SMARCC1: variants seen among roughly 807,000 people sequenced by gnomAD.
SMARCC1 encodes SWI/SNF complex subunit SMARCC1.
SMARCC1 carries 43 observed loss-of-function variants against 147.4 expected under a neutral mutation model. The observed-to-expected ratio is 0.29, with a 90% CI of 0.23 to 0.38. The LOEUF (loss-of-function observed/expected upper bound fraction) is 0.38. Among genes scored for constraint, SMARCC1 ranks in the 10% least tolerant of loss-of-function variants. SMARCC1 has a pLI of 1.00. For synonymous variants in SMARCC1, 495 were observed against 484.4 expected (o/e 1.02, Z -0.29); for missense variants, 1,119 against 1,381.1 (o/e 0.81, Z 3.01).
chr3:47,678,166 T>G, intron 16 of SMARCC1, 32 bp downstream of exon 16: 2 of 1,287,078 alleles, frequency 1.6e-6, no homozygotes, highest in South Asian at 1.3e-5. Flanking sequence ...ATTCCTACAG[T>G]TAAATGTCTC....
chr3:47,630,764 C>A (rs2032876243), intron 24 of SMARCC1, among the ~76,000 whole-genome samples: 2 of 152,170 alleles, frequency 1.3e-5, no homozygotes, highest in African/African-American at 4.8e-5. Context: ...TTTTTCACAC[C>A]TCCAGAAAGA....
chr3:47,779,609 T>C (rs1367522653), intron 1 of SMARCC1, among the ~76,000 whole-genome samples: 3 of 152,198 alleles, frequency 2.0e-5, no homozygotes, highest in Non-Finnish European at 2.9e-5. Context: ...GTGGTCTCAA[T>C]ACTGCTGGGC....
chr3:47,760,103 C>A (rs2106860456), intron 2 of SMARCC1, among the ~76,000 whole-genome samples: 1 of 152,170 alleles, frequency 6.6e-6, no homozygotes, highest in South Asian at 2.1e-4. Context: ...CACTTGAGGC[C>A]AGGAGTTTGA....
At chr3:47,761,943 G>C (rs1241198797) in intron 2 of SMARCC1, among the ~76,000 whole-genome samples, 2 of 152,026 alleles carry the variant, frequency 1.3e-5, no homozygotes, top group Non-Finnish European at 1.5e-5. Context: ...TGAATAGCTG[G>C]GATTTTTTTT....
chr3:47,745,948 T>C lies in SMARCC1; in HGVS notation c.361A>G (p.Ile121Val), dbSNP rs1403948078. ...DFKAGGALCH[I>V]LGAAYKYKNE... ...TTATACTTGTAAGCAGCCCCAAGAATGTGACATAAGGCGCCTCCAGCTTTG... is the reference window on the plus strand; with the variant it reads ...TTATACTTGTAAGCAGCCCCAAGAACGTGACATAAGGCGCCTCCAGCTTTG... Residue 121 changes from isoleucine to valine, a missense_variant, in exon 3 of 28, where the codon ATT (isoleucine) becomes GTT (valine). This residue lies in a region of SMARCC1 where 542 missense variants were observed against 611.8 expected (regional missense o/e 0.89). Coordinates refer to ENST00000254480, the MANE Select transcript of SMARCC1 (RefSeq NM_003074.4). 2 of 1,591,248 alleles carry C rather than the reference T, an allele frequency of 1.3e-6. No individual in the cohort carries two copies. Among genetic ancestry groups the C allele is most frequent in the Non-Finnish European group, 1.7e-6 (2 of 1,172,964 alleles).
intron 7 of SMARCC1, among the ~76,000 whole-genome samples, chr3:47,716,295 G>A (rs2034154500): frequency 6.6e-6 from 1 of 151,052 alleles, no homozygotes; most frequent in African/African-American, 2.4e-5. Flanking sequence ...GTGTGCACCT[G>A]TAATCTCAGC....
At chr3:47,623,120 G>T (rs2032758113) in intron 24 of SMARCC1, among the ~76,000 whole-genome samples, 1 of 129,650 alleles carries the variant, frequency 7.7e-6, no homozygotes, top group Non-Finnish European at 1.6e-5. Flanking sequence ...TGTTTATCTT[G>T]CTTCTACACA....
chr3:47,667,035 G>A (rs1321454375), intron 19 of SMARCC1, among the ~76,000 whole-genome samples: 2 of 151,952 alleles, frequency 1.3e-5, no homozygotes, highest in Admixed American at 6.6e-5. Context: ...AGAGAAACTC[G>A]GGCCAGGCAC....
chr3:47,674,706 C>T (rs955726210), intron 18 of SMARCC1, among the ~76,000 whole-genome samples: 1 of 152,074 alleles, frequency 6.6e-6, no homozygotes, highest in Non-Finnish European at 1.5e-5. Context: ...CTCAGACAAC[C>T]CTACTGCCCT....
At chr3:47,696,214 T>C (rs1446473340) in intron 11 of SMARCC1, among the ~76,000 whole-genome samples, 2 of 147,366 alleles carry the variant, frequency 1.4e-5, no homozygotes, top group Non-Finnish European at 1.5e-5. Flanking sequence ...CTACTAAAAA[T>C]ACAAAAAAAA....
chr3:47,654,188 T>C (rs1003628261), intron 21 of SMARCC1, among the ~76,000 whole-genome samples: 22 of 152,244 alleles, frequency 1.4e-4, no homozygotes, highest in African/African-American at 4.8e-4. Flanking sequence ...AGACTGCCAA[T>C]GTTTTTTCAA....
At chr3:47,678,396 C>A in intron 15 of SMARCC1, 85 bp from the exon 16 acceptor site, 1 of 577,308 alleles carries the variant, frequency 1.7e-6, no homozygotes, top group South Asian at 3.1e-5. Flanking sequence ...TCTTCAGATT[C>A]CTTAAAAATA....
chr3:47,754,272 A>G (rs1489988819), intron 2 of SMARCC1, among the ~76,000 whole-genome samples: 1 of 150,252 alleles, frequency 6.7e-6, no homozygotes, highest in African/African-American at 2.5e-5. Context: ...GTGCAATTTC[A>G]GCTCACTGCA....
chr3:47,629,569 C>T (rs558754554), intron 24 of SMARCC1, among the ~76,000 whole-genome samples: 4 of 152,252 alleles, frequency 2.6e-5, no homozygotes, highest in Admixed American at 2.6e-4. Flanking sequence ...AGATCCTCCT[C>T]CTTGCTACTT....
intron 26 of SMARCC1, among the ~76,000 whole-genome samples, chr3:47,602,271 G>A (rs150339158): frequency 2.0e-5 from 3 of 152,132 alleles, no homozygotes; most frequent in Admixed American, 6.5e-5. Context: ...CAGGCTGGGC[G>A]ACACAGCAAA....
intron 6 of SMARCC1, among the ~76,000 whole-genome samples, chr3:47,722,631 T>A (rs1052967703): frequency 2.0e-5 from 3 of 152,292 alleles, no homozygotes; most frequent in South Asian, 2.1e-4. Flanking sequence ...ACAATTTTTT[T>A]AATTATTTGA....
At chr3:47,625,688 T>C (rs1387265542) in intron 24 of SMARCC1, among the ~76,000 whole-genome samples, 1 of 152,078 alleles carries the variant, frequency 6.6e-6, no homozygotes, top group Non-Finnish European at 1.5e-5. Context: ...ACTTAGTGGA[T>C]CATAGATCTA....
At chr3:47,603,090 C>G (rs899689969) in intron 26 of SMARCC1, among the ~76,000 whole-genome samples, 1 of 152,126 alleles carries the variant, frequency 6.6e-6, no homozygotes, top group Non-Finnish European at 1.5e-5. Context: ...TTCCTTTAAA[C>G]ATGTGCTGAA....
chr3:47,774,768 T>A (rs997246462), intron 1 of SMARCC1, among the ~76,000 whole-genome samples: 12 of 151,982 alleles, frequency 7.9e-5, no homozygotes, highest in African/African-American at 2.4e-4. Flanking sequence ...ATATTGATAA[T>A]TTGCAACAAA....
Sources: gnomAD v4.1 joint callset for allele counts (sites outside exome capture counted in the v4.1 genomes callset) on GRCh38, gnomAD v4.1.1 for gene constraint, gnomAD v4.1.1 regional missense constraint, MANE v1.5 for transcripts, NCBI Gene and HGNC (gene_info 2026-07-23, HGNC 2026-07-21) for gene names.